Variants in SEC16B observed in about 807,000 individuals in gnomAD.
SEC16B encodes SEC16 homolog B, endoplasmic reticulum export factor, also known as protein transport protein Sec16B.
SEC16B carries 115 observed loss-of-function variants against 141.8 expected under a neutral mutation model. The ratio of observed to expected loss-of-function variants is 0.81; its 90% CI spans 0.70 to 0.95. The LOEUF (loss-of-function observed/expected upper bound fraction) is 0.95, where lower values mean the gene tolerates loss of function less well. Ranked by LOEUF, SEC16B falls within the 40% of genes least tolerant of loss-of-function variation. SEC16B has a pLI of 0.00. For missense variants in SEC16B, 1,291 were observed against 1,312.3 expected (o/e 0.98, Z 0.25); for synonymous variants, 493 against 492.5 (o/e 1.00, Z -0.01).
intron 8 of SEC16B, 55 bp downstream of exon 8, chr1:177,960,287 G>A (rs755636830): frequency 8.7e-6 from 10 of 1,148,728 alleles, no homozygotes; most frequent in Non-Finnish European, 1.3e-5. Context: ...GATCTGGGCA[G>A]GAAGATTTTC....
In SEC16B at chr1:177,964,199, C is replaced by G; in HGVS notation, c.614G>C (p.Ser205Thr). The stretch of plus-strand genomic sequence containing the variant: ...ATTTTTCTGGGCCTCAGCAAGCAGG[C>G]TCCCTGGAAACAGCTCCCCCGGCCA... ...QEWPGELFPG[S>T]LLAEAQKNKP... The change falls in exon 5 of 26, where the codon AGC becomes ACC. Residue 205 changes from serine to threonine, a missense_variant. By Grantham distance (58) the Ser-to-Thr change is moderately conservative (BLOSUM62 1). Around this residue, in one of 3 missense-constraint regions of SEC16B, gnomAD observed 681 missense variants for 675.5 expected, o/e 1.01. Transcript: ENST00000308284. 5.0e-6 allele frequency: 8 copies of G among 1,613,550 alleles called. No individual in the cohort carries two copies. Among genetic ancestry groups the G allele is most frequent in the Non-Finnish European group, 6.8e-6 (8 of 1,179,636 alleles).
intron 2 of SEC16B, among the ~76,000 whole-genome samples, 185 bp from the exon 3 acceptor site, chr1:177,966,190 T>C (rs1653503759): frequency 6.6e-6 from 1 of 152,234 alleles, no homozygotes; most frequent in Admixed American, 6.5e-5. Context: ...CAGGCCTTTG[T>C]TGCACAACAG....
At chr1:177,950,135 C>T (rs199902619) in intron 12 of SEC16B, among the ~76,000 whole-genome samples, 1 of 130,800 alleles carries the variant, frequency 7.6e-6, no homozygotes. Context: ...GAATTAGCCA[C>T]AAGCCATAAG....
At chr1:177,945,447 A>G (rs1651614885) in intron 14 of SEC16B, 1 of 152,238 alleles carries the variant, frequency 6.6e-6, no homozygotes. Flanking sequence ...TTTGGCACAG[A>G]AGGGATTCTT....
At chr1:177,930,367 T>C (rs180686899) in intron 25 of SEC16B, among the ~76,000 whole-genome samples, 178 bp downstream of exon 25, 5 of 152,290 alleles carry the variant, frequency 3.3e-5, no homozygotes, top group Non-Finnish European at 7.4e-5. Context: ...CATATACATA[T>C]CTCTGAGCTA....
At chr1:177,946,317 A>G in intron 14 of SEC16B, 103 bp downstream of exon 14, 1 of 881,420 alleles carries the variant, frequency 1.1e-6, no homozygotes, top group Non-Finnish European at 1.9e-6. Context: ...CGGTAGCTGA[A>G]ATTCACATGA....
intron 1 of SEC16B, among the ~76,000 whole-genome samples, chr1:177,978,311 T>C (rs1464758168): frequency 1.3e-5 from 2 of 152,180 alleles, no homozygotes; most frequent in East Asian, 3.9e-4. Flanking sequence ...AAGTATTTGA[T>C]AAATAAATTA....
chr1:177,964,308 G>A (rs3813651), intron 4 of SEC16B, 29 bp from the exon 5 acceptor site: 694,165 of 1,557,520 alleles, frequency 0.45, 155,884 homozygotes, highest in Non-Finnish European at 0.46. Context: ...AGCAGTGAGC[G>A]GGGTCCTGGG....
Position 177,968,000 on chromosome 1 carries a change from G to T in SEC16B, c.-19C>A. 6.3e-7 allele frequency: 1 copy of T among 1,578,576 alleles called. No homozygotes were observed. ...GTTCCATCCTTGACTCTCTGAATTT[G>T]TCCTGGGTTTTGAGTAAGTTGTGCA... On this transcript the variant is annotated 5_prime_UTR_variant, in exon 2 of 26. Coordinates refer to ENST00000308284, the MANE Select transcript of SEC16B (RefSeq NM_033127.4).
At chr1:177,966,514 C>T (rs563076290) in intron 2 of SEC16B, among the ~76,000 whole-genome samples, 1 of 152,200 alleles carries the variant, frequency 6.6e-6, no homozygotes, top group African/African-American at 2.4e-5. Flanking sequence ...GAGAATTCAA[C>T]AATCCAAAAA....
intron 14 of SEC16B, chr1:177,945,536 T>C (rs1277196896): frequency 6.6e-6 from 1 of 152,180 alleles, no homozygotes; most frequent in Admixed American, 6.5e-5. Context: ...GCCTCAGTGG[T>C]AGGCAGTGTG....
In SEC16B at chr1:177,967,919, C is replaced by T; in HGVS notation, c.63G>A (p.Lys21=). ...QTRGKATAPS[K]DPDRGFRRDG... Reference sequence around the variant, plus strand: ...CTCTCCGAAACCCTCGGTCTGGATCCTTTGAGGGTGCTGTGGCCTTCCCTC... The same window carrying T: ...CTCTCCGAAACCCTCGGTCTGGATCTTTTGAGGGTGCTGTGGCCTTCCCTC... The change falls in exon 2 of 26, where the codon AAG becomes AAA. Residue 21 remains lysine (K), a synonymous_variant. Coordinates refer to ENST00000308284, the MANE Select transcript of SEC16B (RefSeq NM_033127.4). 1 of 1,613,972 alleles carries T rather than the reference C, an allele frequency of 6.2e-7. No individual in the cohort carries two copies. The highest frequency in any genetic ancestry group is 8.5e-7 in the Non-Finnish European group (1 of 1,179,856).
At chr1:177,930,186 C>T (rs914059472) in intron 25 of SEC16B, among the ~76,000 whole-genome samples, 6 of 152,162 alleles carry the variant, frequency 3.9e-5, no homozygotes, top group Non-Finnish European at 7.3e-5. Context: ...GGGAACTTAG[C>T]TTCTCTCAAA....
intron 17 of SEC16B, 141 bp from the exon 18 acceptor site, chr1:177,939,918 G>T: frequency 2.9e-6 from 2 of 694,598 alleles, no homozygotes; most frequent in Non-Finnish European, 4.8e-6. Flanking sequence ...ATGCTTAGGG[G>T]CCTGGGGGGT....
In SEC16B at chr1:177,953,081, C is replaced by T. The variant is rs1282798673; in HGVS notation, c.1464-1086G>A. On this transcript the variant is annotated intron_variant, in intron 11 of 25. Coordinates refer to ENST00000308284, the MANE Select transcript of SEC16B (RefSeq NM_033127.4). ...AGTGCAACGATGTGATCTCTGCTCA[C>T]TGCAACCTCCACCTCCCAGGTTCAA... is the stretch of plus-strand genomic sequence containing the variant. Among the ~76,000 whole-genome samples, 3 of 150,270 alleles carry T rather than the reference C, an allele frequency of 2.0e-5. No individual in the cohort carries two copies. The East Asian group carries it at 5.9e-4, about 30-fold the overall frequency.
intron 15 of SEC16B, among the ~76,000 whole-genome samples, chr1:177,944,148 C>T (rs1023300517): frequency 2.0e-5 from 3 of 152,132 alleles, no homozygotes; most frequent in Non-Finnish European, 4.4e-5. Context: ...AGAAGGAGTG[C>T]GGAGCAGAGG....
At chr1:177,969,257 A>T (rs987435164) in intron 1 of SEC16B, among the ~76,000 whole-genome samples, 22 of 152,184 alleles carry the variant, frequency 1.4e-4, no homozygotes, top group African/African-American at 5.3e-4. Context: ...CTGCTCAAAC[A>T]CCAGGGAGCC....
chr1:177,932,438 A>G lies in SEC16B; in HGVS notation c.3012+52T>C, dbSNP rs569110966. On this transcript the variant is annotated intron_variant, in intron 24 of 25. Coordinates refer to ENST00000308284, the MANE Select transcript of SEC16B (RefSeq NM_033127.4). ...TGCCCACACTGAAGGTTCAGTCCTC[A>G]CACACAGGCATCTGCTGGGGTCCGA... is the stretch of plus-strand genomic sequence containing the variant. 23 of 1,355,186 alleles carry G rather than the reference A, an allele frequency of 1.7e-5. No homozygotes were observed. The South Asian group carries it at 2.9e-4, about 17-fold the overall frequency. 83.9% of individuals were successfully genotyped at this position (1,355,186 alleles called of 1,614,324 possible). A position where few individuals can be genotyped will look rare whatever the true frequency, so the allele number is the denominator to read the frequency against.
chr1:177,933,635 G>A lies in SEC16B; in HGVS notation c.2573C>T (p.Thr858Ile). Residue 858 changes from threonine (T) to isoleucine (I), a missense_variant and splice_region_variant, in exon 21 of 26, where the codon ACA becomes ATA. By Grantham distance (89) the Thr-to-Ile change is moderately conservative. This residue lies in a region of SEC16B where 605 missense variants were observed against 614.1 expected (regional missense o/e 0.99). Coordinates refer to ENST00000308284, the MANE Select transcript of SEC16B (RefSeq NM_033127.4). ...ACTTCGTGGTCTAGCAGCCAATGGT[G>A]TCTGGAATTAAAGAAATAACTCACA... ...DGQEVISKPQTPLAARPRSIS... is the reference protein window; with the variant it reads ...DGQEVISKPQIPLAARPRSIS... 6.2e-7 allele frequency: 1 copy of A among 1,613,680 alleles called. No homozygotes were observed. The highest frequency in any genetic ancestry group is 8.5e-7 in the Non-Finnish European group (1 of 1,179,732).
Sources: gnomAD v4.1 joint callset for allele counts (sites outside exome capture counted in the v4.1 genomes callset) on GRCh38, gnomAD v4.1.1 for gene constraint, gnomAD v4.1.1 regional missense constraint, MANE v1.5 for transcripts, NCBI Gene and HGNC (gene_info 2026-07-23, HGNC 2026-07-21) for gene names.